Variants in MTG1 observed in about 807,000 individuals in gnomAD.
The protein encoded by MTG1 is mitochondrial ribosome associated GTPase 1.
Under a neutral mutation model 39.5 loss-of-function variants are expected in MTG1, and 30 were observed. That is an observed-to-expected ratio of 0.76 (90% CI 0.57 to 1.03). The LOEUF (loss-of-function observed/expected upper bound fraction) is 1.03. Among genes scored for constraint, MTG1 ranks in the 50% least tolerant of loss-of-function variants. The pLI, the probability that MTG1 is intolerant of heterozygous loss-of-function variation, is 0.00. For synonymous variants in MTG1, 217 were observed against 179.0 expected (o/e 1.21, Z -1.69); for missense variants, 513 against 447.4 (o/e 1.15, Z -1.32).
chr10:133,409,017 T>C (rs942907605), intron 9 of MTG1, among the ~76,000 whole-genome samples: 5 of 152,128 alleles, frequency 3.3e-5, no homozygotes, highest in Non-Finnish European at 5.9e-5. Context: ...ATTTTTTTTT[T>C]CAACTCAATT....
chr10:133,402,166 G>C lies in MTG1; in HGVS notation c.591G>C (p.Leu197=). The part of the protein sequence containing the change: ...MSKIQVSERP[L]MFLLDTPGVL... ...CCACACAGGTCTCTGAGCGGCCCCT[G>C]ATGTTCCTGTTGGACACTCCTGGCG... The change falls in exon 8 of 11, where the codon CTG becomes CTC. Residue 197 remains leucine (L), a synonymous_variant. Transcript: ENST00000317502. The surrounding 1 kb of genome is among the most constrained non-coding windows in gnomAD (Gnocchi z 4.7). 6.2e-7 allele frequency: 1 copy of C among 1,613,754 alleles called. No individual in the cohort carries two copies. The highest frequency in any genetic ancestry group is 8.5e-7 in the Non-Finnish European group (1 of 1,179,774).
chr10:133,406,438 C>T lies in MTG1; in HGVS notation c.752+3665C>T, dbSNP rs761462335. ...TCCCAAGTAGCTGGGATTATAGGCA[C>T]GTACCACCATGCCTGGCTTGCTGAT... On this transcript the variant is annotated intron_variant, in intron 9 of 10. Coordinates refer to ENST00000317502, the MANE Select transcript of MTG1 (RefSeq NM_138384.4). Among the ~76,000 whole-genome samples, 13 of 152,054 alleles carry T rather than the reference C, an allele frequency of 8.5e-5. No individual in the cohort carries two copies. The East Asian group carries it at 1.2e-3, about 14-fold the overall frequency.
At position 133,396,160 on chromosome 10, in the gene MTG1, C is replaced by A. The variant is rs775956865; in HGVS notation, c.178-3C>A. On this transcript the variant is annotated splice_region_variant and splice_polypyrimidine_tract_variant and intron_variant, in intron 2 of 10. Coordinates refer to ENST00000317502, the MANE Select transcript of MTG1 (RefSeq NM_138384.4). ...GGAGGAATTTTTACCTTAATTTTGC[C>A]ACATCCCACTTTCAGGCCGCAACCC... 1 of 1,613,502 alleles carries A rather than the reference C, an allele frequency of 6.2e-7. No individual in the cohort carries two copies. The highest frequency in any genetic ancestry group is 1.3e-5 in the African/African-American group (1 of 75,024).
intron 9 of MTG1, among the ~76,000 whole-genome samples, chr10:133,407,629 C>T (rs1400778693): frequency 6.7e-6 from 1 of 150,002 alleles, no homozygotes; most frequent in Non-Finnish European, 1.5e-5. Flanking sequence ...AGTGCAATGG[C>T]ATGATCTTGG....
rs566967562 is a variant in MTG1 at position 133,404,012 on chromosome 10, G to A, written c.752+1239G>A. On this transcript the variant is annotated intron_variant, in intron 9 of 10. Coordinates refer to ENST00000317502, the MANE Select transcript of MTG1 (RefSeq NM_138384.4). ...TTTGCATTTCCCTGATGACAGGGACGTTGAGCATCTTCATGTGCTTATTTG... is the reference window on the plus strand; with the variant it reads ...TTTGCATTTCCCTGATGACAGGGACATTGAGCATCTTCATGTGCTTATTTG... Among the ~76,000 whole-genome samples, 5 of 151,260 alleles carry A rather than the reference G, an allele frequency of 3.3e-5. No homozygotes were observed. The East Asian group carries it at 7.8e-4, about 24-fold the overall frequency.
chr10:133,415,766 A>G (rs964222546), intron 9 of MTG1, among the ~76,000 whole-genome samples: 2 of 152,134 alleles, frequency 1.3e-5, no homozygotes, highest in Admixed American at 1.3e-4. Flanking sequence ...AATTTGCATC[A>G]TTTTGAAACT....
chr10:133,397,779 G>GTTTTTTTTTTTTTTT (rs35859911), intron 3 of MTG1, among the ~76,000 whole-genome samples: 3 of 139,488 alleles, frequency 2.2e-5, no homozygotes, highest in African/African-American at 5.5e-5. Context: ...CGTCCAGCCT[G>GTTTTTTTTTTTTTTT]TTTTTTTTTT....
Position 133,395,736 on chromosome 10 carries a change from CTGA to C in MTG1, c.137_139del (p.Leu46_Lys47delinsGln), listed in dbSNP as rs1344597193. ...AGGGCTGAAGAAGATGCAGAGCAGC[CTGA>C]AGCTGGTGGACTGTATCATCGAGGT... On this transcript the variant is annotated inframe_deletion, in exon 2 of 11. Coordinates refer to ENST00000317502, the MANE Select transcript of MTG1 (RefSeq NM_138384.4). 6.2e-7 allele frequency: 1 copy of C among 1,614,124 alleles called. No homozygotes were observed. Among genetic ancestry groups the C allele is most frequent in the Non-Finnish European group, 8.5e-7 (1 of 1,180,030 alleles).
rs117473516 is a variant in MTG1 at position 133,419,850 on chromosome 10, G to A, written c.866-176G>A. 7.5e-3 allele frequency among the ~76,000 whole-genome samples: 1,148 copies of A among 152,320 alleles called. 8 individuals carry two copies. The highest frequency in any genetic ancestry group is 0.044 in the Middle Eastern group (13 of 294). Reference sequence around the variant, plus strand: ...GACACCTGCAGGCCTCACATGCCTGGCCTTGGAGGCTCCGGGCAGCGTAGC... The same window carrying A: ...GACACCTGCAGGCCTCACATGCCTGACCTTGGAGGCTCCGGGCAGCGTAGC... On this transcript the variant is annotated intron_variant, in intron 10 of 10. Coordinates refer to ENST00000317502, the MANE Select transcript of MTG1 (RefSeq NM_138384.4).
chr10:133,399,263 G>A (rs377666640), intron 5 of MTG1, 37 bp downstream of exon 5: 19 of 1,610,252 alleles, frequency 1.2e-5, no homozygotes, highest in African/African-American at 8.0e-5. Flanking sequence ...AGTGGGAGGC[G>A]GGCGTGGGAT....
chr10:133,400,157 G>A (rs139428895), intron 6 of MTG1, among the ~76,000 whole-genome samples: 12,041 of 151,834 alleles, frequency 0.079, 530 homozygotes, highest in Middle Eastern at 0.12. Context: ...GTGCCACTGC[G>A]TTCCAGCCTG....
chr10:133,396,206 G>C lies in MTG1; in HGVS notation c.221G>C (p.Gly74Ala). 1 of 1,614,192 alleles carries C rather than the reference G, an allele frequency of 6.2e-7. No individual in the cohort carries two copies. The highest frequency in any genetic ancestry group is 8.5e-7 in the Non-Finnish European group (1 of 1,180,032). Residue 74 changes from glycine (G) to alanine (A), a missense_variant, in exon 3 of 11, where the codon GGG becomes GCG. Physicochemically the swap from Gly to Ala is moderately conservative, Grantham distance 60. Coordinates refer to ENST00000317502, the MANE Select transcript of MTG1 (RefSeq NM_138384.4). Reference protein sequence around the residue: ...GRNPLFQETLGLKPHLLVLNK... With the variant: ...GRNPLFQETLALKPHLLVLNK... ...AACCCTCTGTTTCAGGAAACCCTTG[G>C]GCTTAAGCCTCACTTGCTGGTCCTC... is the stretch of plus-strand genomic sequence containing the variant.
rs777868953 is a variant in MTG1 at position 133,419,527 on chromosome 10, G to A, written c.800G>A (p.Arg267His). ...GGCAGTGCCTGTGACAACGTAGAGC[G>A]CGTGCTGAAGAGTGTGGCTGTGAAG... ...GLGSACDNVE[R>H]VLKSVAVKLG... The change falls in exon 10 of 11, where the codon CGC becomes CAC. Residue 267 changes from arginine to histidine, a missense_variant. Transcript: ENST00000317502. 30 of 1,609,926 alleles carry A rather than the reference G, an allele frequency of 1.9e-5. No individual in the cohort carries two copies. The highest frequency in any genetic ancestry group is 8.0e-5 in the African/African-American group (6 of 74,872).
chr10:133,411,530 T>C (rs1850046306), intron 9 of MTG1, among the ~76,000 whole-genome samples: 1 of 152,252 alleles, frequency 6.6e-6, no homozygotes, highest in Non-Finnish European at 1.5e-5. Context: ...TTGAATAAAC[T>C]TTCTGTGCCT....
At chr10:133,396,615 A>G (rs542267071) in intron 3 of MTG1, among the ~76,000 whole-genome samples, 18 of 152,360 alleles carry the variant, frequency 1.2e-4, no homozygotes, top group African/African-American at 3.8e-4. Context: ...CCAGTGTAAT[A>G]AAACATATGA....
intron 9 of MTG1, among the ~76,000 whole-genome samples, chr10:133,409,989 G>A (rs1039504561): frequency 2.6e-5 from 4 of 151,020 alleles, no homozygotes; most frequent in East Asian, 3.9e-4. Context: ...AGGTAAAGTC[G>A]GTTTCTTATA....
intron 3 of MTG1, among the ~76,000 whole-genome samples, chr10:133,397,555 T>G (rs1827677730): frequency 6.6e-6 from 1 of 151,518 alleles, no homozygotes; most frequent in Non-Finnish European, 1.5e-5. Context: ...CTTGACTCAC[T>G]GCAAGCTCTG....
At chr10:133,395,952 A>G (rs180714743) in intron 2 of MTG1, among the ~76,000 whole-genome samples, 175 bp downstream of exon 2, 5 of 152,306 alleles carry the variant, frequency 3.3e-5, no homozygotes, top group African/African-American at 9.6e-5. Context: ...GTTAATACAT[A>G]TATCTGCGTC....
At chr10:133,405,309 G>A (rs1013041559) in intron 9 of MTG1, among the ~76,000 whole-genome samples, 1 of 152,202 alleles carries the variant, frequency 6.6e-6, no homozygotes, top group Non-Finnish European at 1.5e-5. Context: ...GGGTACCTAT[G>A]ATATTTTGAT....
Sources: allele counts gnomAD v4.1 joint callset (sites outside exome capture counted in the v4.1 genomes callset), GRCh38; gene constraint gnomAD v4.1.1; non-coding constraint Gnocchi (gnomAD v3.1); transcripts MANE v1.5; gene names NCBI Gene and HGNC (gene_info 2026-07-23, HGNC 2026-07-21).